RUNDC3B: variants seen among roughly 807,000 people sequenced by gnomAD.
The protein encoded by RUNDC3B is RUN domain containing 3B.
RUNDC3B carries 33 observed loss-of-function variants against 58.4 expected under a neutral mutation model. The observed-to-expected ratio is 0.56, with a 90% CI of 0.43 to 0.75. The LOEUF (loss-of-function observed/expected upper bound fraction) is 0.75. Ranked by LOEUF, RUNDC3B falls within the 30% of genes least tolerant of loss-of-function variation. The pLI is 0.00. For missense variants in RUNDC3B, 501 were observed against 535.7 expected, an observed-to-expected ratio of 0.94 and a Z score of 0.64; for synonymous variants, 193 against 195.2, an observed-to-expected ratio of 0.99 and a Z score of 0.10.
At chr7:87,818,181 T>C (rs968306789) in intron 10 of RUNDC3B, among the ~76,000 whole-genome samples, 1 of 152,192 alleles carries the variant, frequency 6.6e-6, no homozygotes, top group Non-Finnish European at 1.5e-5. Flanking sequence ...AGGATTTTAT[T>C]CTAATTTTTA....
intron 2 of RUNDC3B, among the ~76,000 whole-genome samples, chr7:87,676,091 G>A (rs1826326949): frequency 6.6e-6 from 1 of 152,060 alleles, no homozygotes; most frequent in Non-Finnish European, 1.5e-5. Context: ...GCCAGACGTG[G>A]TGGCATGCAC....
intron 1 of RUNDC3B, among the ~76,000 whole-genome samples, chr7:87,644,569 G>C (rs1822792660): frequency 6.6e-6 from 1 of 152,048 alleles, no homozygotes; most frequent in South Asian, 2.1e-4. Context: ...GATTCTAGAT[G>C]TTTTCATGTA....
intron 3 of RUNDC3B, among the ~76,000 whole-genome samples, chr7:87,704,473 G>T (rs1829416914): frequency 6.6e-6 from 1 of 152,182 alleles, no homozygotes; most frequent in Non-Finnish European, 1.5e-5. Flanking sequence ...AATACAAAAA[G>T]TAATTAAGAA....
intron 10 of RUNDC3B, among the ~76,000 whole-genome samples, chr7:87,821,839 T>G (rs375400150): frequency 6.6e-6 from 1 of 152,326 alleles, no homozygotes; most frequent in African/African-American, 2.4e-5. Flanking sequence ...GCTAGCCATA[T>G]GTAGAAAGCT....
chr7:87,729,801 A>G (rs991258843), intron 4 of RUNDC3B, among the ~76,000 whole-genome samples: 2 of 152,200 alleles, frequency 1.3e-5, no homozygotes, highest in African/African-American at 4.8e-5. Context: ...CACAGTTTGC[A>G]GCTCTGGAAG....
At chr7:87,730,956 T>C (rs997846716) in intron 4 of RUNDC3B, among the ~76,000 whole-genome samples, 1 of 152,028 alleles carries the variant, frequency 6.6e-6, no homozygotes, top group African/African-American at 2.4e-5. Flanking sequence ...ATATCTTACC[T>C]AAGAGCACCA....
chr7:87,719,006 A>C (rs998890917), intron 4 of RUNDC3B, among the ~76,000 whole-genome samples: 3 of 152,112 alleles, frequency 2.0e-5, no homozygotes, highest in African/African-American at 7.2e-5. Flanking sequence ...ACAATTCAAC[A>C]GTACAGTAAA....
At chr7:87,829,213 G>C (rs896417018) in intron 10 of RUNDC3B, among the ~76,000 whole-genome samples, 2 of 152,122 alleles carry the variant, frequency 1.3e-5, no homozygotes, top group African/African-American at 4.8e-5. Flanking sequence ...CTGGATATCA[G>C]ACATTTGTTG....
chr7:87,823,791 TACAC>T (rs113441553), intron 10 of RUNDC3B, among the ~76,000 whole-genome samples: 2,208 of 143,824 alleles, frequency 0.015, 24 homozygotes, highest in East Asian at 0.054. Flanking sequence ...TTCATATATA[TACAC>T]ACACACACAC....
chr7:87,755,805 T>A (rs1382679434), intron 6 of RUNDC3B, among the ~76,000 whole-genome samples: 1 of 152,170 alleles, frequency 6.6e-6, no homozygotes. Context: ...CCTTGAAAAC[T>A]GGCATAAGAC....
chr7:87,816,308 A>G (rs756474833), intron 10 of RUNDC3B, 46 bp downstream of exon 10: 12 of 1,523,844 alleles, frequency 7.9e-6, no homozygotes, highest in Non-Finnish European at 9.9e-6. Context: ...TTCCTGTACC[A>G]TCTATATTTT....
At chr7:87,794,703 C>A (rs1835720237) in intron 8 of RUNDC3B, among the ~76,000 whole-genome samples, 1 of 148,722 alleles carries the variant, frequency 6.7e-6, no homozygotes, top group Non-Finnish European at 1.5e-5. Flanking sequence ...ACAAAAAGAA[C>A]ACTGAAAGAA....
intron 1 of RUNDC3B, among the ~76,000 whole-genome samples, chr7:87,643,218 C>T (rs1822625506): frequency 1.3e-5 from 2 of 151,890 alleles, no homozygotes; most frequent in Admixed American, 1.3e-4. Flanking sequence ...TGCTTTCTTC[C>T]TTTATTTTTA....
chr7:87,811,603 C>A, intron 9 of RUNDC3B, among the ~76,000 whole-genome samples: 1 of 152,172 alleles, frequency 6.6e-6, no homozygotes, highest in East Asian at 1.9e-4. Context: ...TTTGGCCTCC[C>A]AAAGTGCTGG....
At chr7:87,730,711 A>G (rs941579816) in intron 4 of RUNDC3B, among the ~76,000 whole-genome samples, 5 of 151,848 alleles carry the variant, frequency 3.3e-5, no homozygotes, top group African/African-American at 1.2e-4. Context: ...GGGCCTTGAG[A>G]AAACATAAGT....
intron 8 of RUNDC3B, among the ~76,000 whole-genome samples, chr7:87,785,278 C>T (rs1835149531): frequency 6.6e-6 from 1 of 151,964 alleles, no homozygotes; most frequent in South Asian, 2.1e-4. Flanking sequence ...TACGACTGGT[C>T]AACAGACTGA....
intron 10 of RUNDC3B, among the ~76,000 whole-genome samples, chr7:87,823,789 TATACAC>T (rs1389955687): frequency 1.5e-4 from 22 of 147,890 alleles, no homozygotes; most frequent in Admixed American, 2.1e-4. Context: ...ATTTCATATA[TATACAC>T]ACACACACAC....
intron 4 of RUNDC3B, among the ~76,000 whole-genome samples, chr7:87,725,736 A>G (rs1182596183): frequency 1.3e-5 from 2 of 152,114 alleles, no homozygotes; most frequent in Non-Finnish European, 1.5e-5. Context: ...ATTTCTCCAC[A>G]TCCTCTCCAG....
intron 6 of RUNDC3B, among the ~76,000 whole-genome samples, chr7:87,743,239 C>T (rs760688397): frequency 1.5e-4 from 23 of 152,130 alleles, no homozygotes; most frequent in Non-Finnish European, 3.2e-4. Context: ...GGGTTGGTTC[C>T]ACGATTTTGC....
Sources: gnomAD v4.1 joint callset for allele counts (sites outside exome capture counted in the v4.1 genomes callset) on GRCh38, gnomAD v4.1.1 for gene constraint, MANE v1.5 for transcripts, NCBI Gene and HGNC (gene_info 2026-07-23, HGNC 2026-07-21) for gene names.